The following GLI2 variants were observed in gnomAD, a reference collection of about 807,000 sequenced individuals.
GLI2 encodes transcription activator GLI2.
A neutral mutation model predicts 78.9 loss-of-function variants in GLI2; 22 were observed. The ratio of observed to expected loss-of-function variants is 0.28; its 90% confidence interval spans 0.20 to 0.40. The LOEUF is 0.40. GLI2 is among the 10% of genes least tolerant of loss of function. The pLI is 1.00. For missense variants in GLI2, 2,097 were observed against 2,213.2 expected (o/e 0.95, Z 1.05); for synonymous variants, 974 against 963.7 (o/e 1.01, Z -0.20).
At chr2:120,875,657 C>T (rs1032591371) in intron 2 of GLI2, among the ~76,000 whole-genome samples, 2 of 152,184 alleles carry the variant, frequency 1.3e-5, no homozygotes, top group African/African-American at 4.8e-5. Context: ...GACACCCTTG[C>T]GTGTGTTATT....
At chr2:120,786,842 G>A (rs1684011698) in intron 1 of GLI2, among the ~76,000 whole-genome samples, 1 of 152,206 alleles carries the variant, frequency 6.6e-6, no homozygotes, top group Admixed American at 6.5e-5. Context: ...CCTTAAAGGT[G>A]CCTGTGGGTC....
At chr2:120,761,522 A>C (rs1683211353) in intron 1 of GLI2, among the ~76,000 whole-genome samples, 1 of 152,072 alleles carries the variant, frequency 6.6e-6, no homozygotes, top group Non-Finnish European at 1.5e-5. Context: ...GGAATTTGCA[A>C]CTGGAACCCA....
At chr2:120,913,474 G>A (rs1274626406) in intron 2 of GLI2, among the ~76,000 whole-genome samples, 1 of 151,930 alleles carries the variant, frequency 6.6e-6, no homozygotes, top group Non-Finnish European at 1.5e-5. Context: ...TTTTTTAAAT[G>A]TGGCTCCTAG....
chr2:120,966,591 A>G (rs1466557016), intron 5 of GLI2, among the ~76,000 whole-genome samples: 2 of 152,044 alleles, frequency 1.3e-5, no homozygotes, highest in Non-Finnish European at 2.9e-5. Flanking sequence ...TGCCTTGGAG[A>G]GGTGCTTCTC....
At position 120,858,121 on chromosome 2, in the gene GLI2, C is replaced by T. The variant is rs532497298; in HGVS notation, c.148+60653C>T. Among the ~76,000 whole-genome samples, 12 of 152,074 alleles carry T rather than the reference C, an allele frequency of 7.9e-5. No homozygotes were observed. The East Asian group carries it at 2.1e-3, about 27-fold the overall frequency. On this transcript the variant is annotated intron_variant, in intron 2 of 13. Coordinates refer to ENST00000361492, the MANE Select transcript of GLI2 (RefSeq NM_001374353.1). The stretch of plus-strand genomic sequence containing the variant: ...GAACACCTGCTGAGTGCTCAGGGGG[C>T]GGGGGAGAATGACAGCTTGGTGCTG...
intron 2 of GLI2, among the ~76,000 whole-genome samples, chr2:120,890,831 C>T (rs978998120): frequency 1.1e-4 from 17 of 152,106 alleles, no homozygotes; most frequent in African/African-American, 3.9e-4. Context: ...TGGGTTATAG[C>T]GAGGTGGGGG....
At chr2:120,951,963 C>T (rs996409635) in intron 4 of GLI2, among the ~76,000 whole-genome samples, 2 of 152,192 alleles carry the variant, frequency 1.3e-5, no homozygotes, top group Non-Finnish European at 2.9e-5. Flanking sequence ...ATTGGCCCGG[C>T]TCAGAGATCA....
At chr2:120,803,062 A>T (rs1245098260) in intron 2 of GLI2, among the ~76,000 whole-genome samples, 2 of 152,252 alleles carry the variant, frequency 1.3e-5, no homozygotes, top group Non-Finnish European at 2.9e-5. Flanking sequence ...CCCATACATA[A>T]AATGGGAGTT....
At chr2:120,862,414 G>A (rs975976510) in intron 2 of GLI2, among the ~76,000 whole-genome samples, 1 of 152,184 alleles carries the variant, frequency 6.6e-6, no homozygotes, top group Non-Finnish European at 1.5e-5. Context: ...CCGTCTGGGG[G>A]CTCCAGGGAC....
intron 2 of GLI2, among the ~76,000 whole-genome samples, chr2:120,848,574 G>A (rs575986029): frequency 1.2e-4 from 18 of 152,208 alleles, no homozygotes; most frequent in Non-Finnish European, 2.2e-4. Flanking sequence ...GAAGGCGCTG[G>A]CAGGAAGGAG....
At chr2:120,940,427 C>T (rs1680398017) in intron 3 of GLI2, among the ~76,000 whole-genome samples, 2 of 152,162 alleles carry the variant, frequency 1.3e-5, no homozygotes, top group Non-Finnish European at 2.9e-5. Context: ...CTCAGAACAC[C>T]AGGCCTATAC....
At chr2:120,895,452 C>G (rs1677896332) in intron 2 of GLI2, among the ~76,000 whole-genome samples, 1 of 152,242 alleles carries the variant, frequency 6.6e-6, no homozygotes, top group South Asian at 2.1e-4. Flanking sequence ...CCTGTAATCC[C>G]AGCACTTTGG....
At chr2:120,846,499 G>A (rs182944661) in intron 2 of GLI2, among the ~76,000 whole-genome samples, 343 of 152,358 alleles carry the variant, frequency 2.3e-3, no homozygotes, top group Middle Eastern at 0.01. Flanking sequence ...GAGTGCACAG[G>A]TGGTGGTACT....
At chr2:120,943,829 G>C (rs1680577509) in intron 3 of GLI2, among the ~76,000 whole-genome samples, 1 of 152,224 alleles carries the variant, frequency 6.6e-6, no homozygotes, top group South Asian at 2.1e-4. Context: ...GCAGCCCTCA[G>C]CTCCACATTG....
At chr2:120,825,564 G>A (rs1275718892) in intron 2 of GLI2, among the ~76,000 whole-genome samples, 15 of 151,624 alleles carry the variant, frequency 9.9e-5, no homozygotes, top group African/African-American at 3.6e-4. Flanking sequence ...GGCTGTGAGT[G>A]TGCTCCTGGC....
rs1682967715 is a variant in GLI2, at chr2:120,986,271, C to G, written c.1906-7C>G. 2 of 1,612,448 alleles carry G rather than the reference C, an allele frequency of 1.2e-6. No homozygotes were observed. Among genetic ancestry groups the G allele is most frequent in the East Asian group, 4.5e-5 (2 of 44,884 alleles). ...GAGTCTGAGCCTTCTTGCCTCGTCC[C>G]CTGCAGCTGTGTCAGTCCAGCCCCG... On this transcript the variant is annotated splice_polypyrimidine_tract_variant and splice_region_variant and intron_variant, in intron 12 of 13. Transcript: ENST00000361492.
chr2:120,871,438 G>A (rs1688423223), intron 2 of GLI2, among the ~76,000 whole-genome samples: 2 of 152,220 alleles, frequency 1.3e-5, no homozygotes, highest in South Asian at 2.1e-4. Context: ...CCACGCCCAG[G>A]CGTCACCCAT....
intron 1 of GLI2, among the ~76,000 whole-genome samples, chr2:120,753,956 A>G (rs1451065036): frequency 6.6e-6 from 1 of 151,588 alleles, no homozygotes; most frequent in East Asian, 1.9e-4. Context: ...TGCTTCTCAC[A>G]TGTTACAAAC....
chr2:120,864,099 T>A (rs1336448177), intron 2 of GLI2, among the ~76,000 whole-genome samples: 1 of 151,828 alleles, frequency 6.6e-6, no homozygotes, highest in Admixed American at 6.6e-5. Context: ...GTGTGGAGAG[T>A]CCTGGTGGCA....
Sources: allele counts gnomAD v4.1 joint callset (sites outside exome capture counted in the v4.1 genomes callset), GRCh38; gene constraint gnomAD v4.1.1; transcripts MANE v1.5; gene names NCBI Gene and HGNC (gene_info 2026-07-23, HGNC 2026-07-21).